Variants in ARRB1 observed in about 807,000 individuals in gnomAD.
ARRB1 encodes the protein beta-arrestin-1.
In ARRB1, 21 loss-of-function variants were observed where a neutral mutation model predicts 56.8. The ratio of observed to expected loss-of-function variants is 0.37; its 90% confidence interval spans 0.26 to 0.53. ARRB1 has a LOEUF of 0.53. Ranked by LOEUF, ARRB1 falls within the 20% of genes least tolerant of loss-of-function variation. The pLI is 0.88. For missense variants in ARRB1, 424 were observed against 553.7 expected, an observed-to-expected ratio of 0.77 and a Z score of 2.35; for synonymous variants, 210 against 218.6, an observed-to-expected ratio of 0.96 and a Z score of 0.35.
At chr11:75,325,725 G>T (rs956196455) in intron 1 of ARRB1, among the ~76,000 whole-genome samples, 11 of 152,190 alleles carry the variant, frequency 7.2e-5, no homozygotes, top group Non-Finnish European at 1.3e-4. Context: ...ACAGGTAGGG[G>T]CTGAGGCCAC....
intron 8 of ARRB1, among the ~76,000 whole-genome samples, chr11:75,278,093 C>T (rs1489808433): frequency 6.6e-6 from 1 of 152,238 alleles, no homozygotes; most frequent in Non-Finnish European, 1.5e-5. Flanking sequence ...TGCCCCAAGG[C>T]ACTTCCCTTC....
rs563990270 is a variant in ARRB1, at chr11:75,318,334, T to C, written c.21-28295A>G. Among the ~76,000 whole-genome samples, 12 of 152,120 alleles carry C rather than the reference T, an allele frequency of 7.9e-5. No homozygotes were observed. The South Asian group carries it at 2.5e-3, about 32-fold the overall frequency. On this transcript the variant is annotated intron_variant, in intron 1 of 15. Coordinates refer to ENST00000420843, the MANE Select transcript of ARRB1 (RefSeq NM_004041.5). ...ACATGCCTGGCTAATTTTTTTATTA[T>C]TATTTGTGGAGACAAGGTCTCACTA... is the stretch of plus-strand genomic sequence containing the variant.
At chr11:75,344,813 G>A (rs1441140495) in intron 1 of ARRB1, among the ~76,000 whole-genome samples, 2 of 152,150 alleles carry the variant, frequency 1.3e-5, no homozygotes, top group African/African-American at 4.8e-5. Flanking sequence ...AGTCCAGTTC[G>A]ACAAGCCTCC....
At chr11:75,347,616 G>A (rs1207841214) in intron 1 of ARRB1, among the ~76,000 whole-genome samples, 2 of 152,188 alleles carry the variant, frequency 1.3e-5, no homozygotes, top group African/African-American at 4.8e-5. Flanking sequence ...CCTCTCTTGG[G>A]CAAAAGCGTC....
chr11:75,270,408 T>C (rs1946050861), intron 13 of ARRB1, among the ~76,000 whole-genome samples: 1 of 152,084 alleles, frequency 6.6e-6, no homozygotes, highest in Admixed American at 6.6e-5. Flanking sequence ...GGCGGGTGGA[T>C]CATGAGGTCA....
chr11:75,280,234 G>C (rs1234419635), intron 7 of ARRB1, among the ~76,000 whole-genome samples: 1 of 152,142 alleles, frequency 6.6e-6, no homozygotes, highest in Non-Finnish European at 1.5e-5. Flanking sequence ...CAGGTCTTAA[G>C]AGGAAAAGGG....
chr11:75,301,002 G>T (rs1197355889), intron 1 of ARRB1, among the ~76,000 whole-genome samples: 1 of 150,836 alleles, frequency 6.6e-6, no homozygotes. Flanking sequence ...AAATTAGCTA[G>T]GCATGGTCGT....
chr11:75,314,886 C>T lies in ARRB1; in HGVS notation c.21-24847G>A, dbSNP rs558487115. 6.6e-5 allele frequency among the ~76,000 whole-genome samples: 10 copies of T among 152,308 alleles called. No homozygotes were observed. The East Asian group carries it at 9.7e-4, about 15-fold the overall frequency. On this transcript the variant is annotated intron_variant, in intron 1 of 15. Transcript: ENST00000420843. The stretch of plus-strand genomic sequence containing the variant: ...CCTCCCAAAGTGCTAGGATTACAGG[C>T]GTGAGCCACCACGCCCAGCCAACAG...
intron 1 of ARRB1, among the ~76,000 whole-genome samples, chr11:75,297,591 G>A (rs1277538315): frequency 5.3e-5 from 8 of 151,978 alleles, no homozygotes; most frequent in Non-Finnish European, 7.4e-5. Flanking sequence ...GGGGCCGGGC[G>A]CTGTGTCTCA....
chr11:75,308,034 GCATCA>G, intron 1 of ARRB1, among the ~76,000 whole-genome samples: 1 of 152,256 alleles, frequency 6.6e-6, no homozygotes. Context: ...GTGGAATAAA[GCATCA>G]GGGACAGGGG....
intron 1 of ARRB1, among the ~76,000 whole-genome samples, chr11:75,290,779 G>T (rs1946593435): frequency 6.6e-6 from 1 of 152,156 alleles, no homozygotes; most frequent in Admixed American, 6.5e-5. Context: ...GTTTTGTTTT[G>T]TTTTTTGTTA....
intron 1 of ARRB1, among the ~76,000 whole-genome samples, chr11:75,317,496 C>T (rs1054262749): frequency 6.6e-6 from 1 of 152,182 alleles, no homozygotes; most frequent in African/African-American, 2.4e-5. Context: ...ACTTCCAAAG[C>T]CTTTAGTGAG....
chr11:75,267,518 G>T, intron 15 of ARRB1, 134 bp downstream of exon 15: 1 of 860,716 alleles, frequency 1.2e-6, no homozygotes, highest in Non-Finnish European at 1.8e-6. Context: ...GAAGAGGCGA[G>T]CAGAGGTGGC....
At chr11:75,274,420 C>T in intron 10 of ARRB1, 1 of 578,354 alleles carries the variant, frequency 1.7e-6, no homozygotes, top group African/African-American at 1.9e-5. Context: ...ATTCTACGCA[C>T]AAACAGGACT....
In ARRB1 at chr11:75,278,471, T is replaced by C. The variant is rs1018222116; in HGVS notation, c.618+138A>G. On this transcript the variant is annotated intron_variant, in intron 8 of 15. Coordinates refer to ENST00000420843, the MANE Select transcript of ARRB1 (RefSeq NM_004041.5). ...AAATCCCCCATGAGAGGTCTCAGAT[T>C]CCCTGACCCCTGTGGTCCTTGGGCT... 6.3e-6 allele frequency: 8 copies of C among 1,270,650 alleles called. No individual in the cohort carries two copies. In the African/African-American group the frequency reaches 1.1e-4, roughly 17 times the overall value. The allele number at this position is 1,270,650 out of a possible 1,614,324, so 78.7% of individuals were successfully genotyped here.
intron 1 of ARRB1, among the ~76,000 whole-genome samples, chr11:75,342,768 G>A (rs761659971): frequency 2.0e-5 from 3 of 152,216 alleles, no homozygotes; most frequent in Non-Finnish European, 4.4e-5. Context: ...TTAGGAAGTA[G>A]GATTGGACCA....
intron 10 of ARRB1, among the ~76,000 whole-genome samples, chr11:75,276,010 A>C (rs1185477494): frequency 6.6e-6 from 1 of 152,230 alleles, no homozygotes; most frequent in Non-Finnish European, 1.5e-5. Flanking sequence ...TATGAAAAAT[A>C]TCCAGTAACC....
chr11:75,336,548 T>C (rs1165068780), intron 1 of ARRB1, among the ~76,000 whole-genome samples: 1 of 152,154 alleles, frequency 6.6e-6, no homozygotes, highest in African/African-American at 2.4e-5. Context: ...TATGAGAAGA[T>C]ACTGTAGGGT....
At chr11:75,332,055 C>T (rs771962941) in intron 1 of ARRB1, among the ~76,000 whole-genome samples, 8 of 151,688 alleles carry the variant, frequency 5.3e-5, no homozygotes, top group African/African-American at 1.5e-4. Flanking sequence ...CGCCCCTACC[C>T]GCAAGAGAAC....
Sources: gnomAD v4.1 joint callset for allele counts (sites outside exome capture counted in the v4.1 genomes callset) on GRCh38, gnomAD v4.1.1 for gene constraint, MANE v1.5 for transcripts, NCBI Gene and HGNC (gene_info 2026-07-23, HGNC 2026-07-21) for gene names.